Variants in HTR1F observed in about 807,000 individuals in gnomAD.
The protein encoded by HTR1F is 5-hydroxytryptamine receptor 1F.
A neutral mutation model predicts 24.0 loss-of-function variants in HTR1F; 17 were observed. That is an observed-to-expected ratio of 0.71 (90% confidence interval 0.48 to 1.06). The LOEUF (loss-of-function observed/expected upper bound fraction) is 1.06, where lower values mean the gene tolerates loss of function less well. Ranked by LOEUF, HTR1F falls within the 50% of genes least tolerant of loss-of-function variation. The pLI is 0.00. For missense variants in HTR1F, 391 were observed against 427.8 expected (o/e 0.91, Z 0.76); for synonymous variants, 186 against 156.8 (o/e 1.19, Z -1.39).
chr3:87,952,762 T>A (rs778404488), intron 2 of HTR1F, among the ~76,000 whole-genome samples: 1 of 152,026 alleles, frequency 6.6e-6, no homozygotes, highest in South Asian at 2.1e-4. Flanking sequence ...AGCTTTCGGA[T>A]GGTGAAAAGC....
intron 2 of HTR1F, among the ~76,000 whole-genome samples, chr3:87,860,634 T>A (rs1311906367): frequency 2.0e-5 from 3 of 152,196 alleles, no homozygotes; most frequent in Non-Finnish European, 4.4e-5. Context: ...TAGTGAGAGA[T>A]CCATTTTTTT....
intron 2 of HTR1F, among the ~76,000 whole-genome samples, chr3:87,930,025 T>C (rs1704223614): frequency 6.6e-6 from 1 of 152,178 alleles, no homozygotes; most frequent in South Asian, 2.1e-4. Context: ...CCTCCCTGGT[T>C]AGCTGTAATC....
At chr3:87,850,351 C>G (rs1382481244) in intron 2 of HTR1F, among the ~76,000 whole-genome samples, 1 of 151,772 alleles carries the variant, frequency 6.6e-6, no homozygotes, top group Non-Finnish European at 1.5e-5. Flanking sequence ...AGCAAACTAT[C>G]GCAAGGACAA....
Position 87,845,656 on chromosome 3 carries a change from G to A in HTR1F, c.-43+23532G>A, listed in dbSNP as rs1313905176. Reference sequence around the variant, plus strand: ...TCAATATCATGAAAATGGCCATACTGCCCAAGGTAATTTACAGATTCAATG... The same window carrying A: ...TCAATATCATGAAAATGGCCATACTACCCAAGGTAATTTACAGATTCAATG... On this transcript the variant is annotated intron_variant, in intron 2 of 2. Coordinates refer to ENST00000319595, the MANE Select transcript of HTR1F (RefSeq NM_001322209.2). 2.0e-5 allele frequency among the ~76,000 whole-genome samples: 3 copies of A among 151,586 alleles called. No individual in the cohort carries two copies. The East Asian group carries it at 5.8e-4, about 29-fold the overall frequency.
At chr3:87,980,843 G>T (rs1460178469) in intron 2 of HTR1F, among the ~76,000 whole-genome samples, 1 of 152,236 alleles carries the variant, frequency 6.6e-6, no homozygotes, top group Non-Finnish European at 1.5e-5. Context: ...CTTCAACTTT[G>T]CTCCTAAATG....
chr3:87,843,678 C>CG (rs58807598), intron 2 of HTR1F, among the ~76,000 whole-genome samples: 1 of 96,032 alleles, frequency 1.0e-5, no homozygotes, highest in African/African-American at 1.0e-4. Flanking sequence ...ATCCCTCCCC[C>CG]TCCCCCACCC....
intron 2 of HTR1F, among the ~76,000 whole-genome samples, chr3:87,893,956 G>A (rs1317189435): frequency 4.0e-5 from 6 of 151,668 alleles, no homozygotes; most frequent in African/African-American, 1.5e-4. Context: ...CCTAAATTTT[G>A]TGAGTTGTTT....
At chr3:87,977,379 TAATGAAGCTGAGAC>T (rs1559655273) in intron 2 of HTR1F, among the ~76,000 whole-genome samples, 11 of 148,122 alleles carry the variant, frequency 7.4e-5, no homozygotes, top group African/African-American at 2.2e-4. Context: ...CCTCTACAGA[TAATGAAGCTGAGAC>T]TTTTTTTTTT....
intron 2 of HTR1F, among the ~76,000 whole-genome samples, chr3:87,890,617 G>C (rs1312378154): frequency 6.6e-6 from 1 of 150,722 alleles, no homozygotes; most frequent in Non-Finnish European, 1.5e-5. Context: ...CTGTACGGTG[G>C]ATAAACTTGT....
intron 2 of HTR1F, among the ~76,000 whole-genome samples, chr3:87,856,774 C>T (rs1705207777): frequency 6.6e-6 from 1 of 152,046 alleles, no homozygotes; most frequent in South Asian, 2.1e-4. Flanking sequence ...TGCATTCAGA[C>T]AAATCTTGTA....
intron 2 of HTR1F, among the ~76,000 whole-genome samples, chr3:87,917,619 T>C (rs1281009822): frequency 1.3e-5 from 2 of 151,810 alleles, no homozygotes; most frequent in Non-Finnish European, 2.9e-5. Context: ...CAAGAATAGA[T>C]GAATAAATTC....
chr3:87,826,036 A>G (rs1704455307), intron 2 of HTR1F, among the ~76,000 whole-genome samples: 1 of 152,226 alleles, frequency 6.6e-6, no homozygotes, highest in African/African-American at 2.4e-5. Flanking sequence ...GTATTAAAAA[A>G]TATTTGCTGT....
intron 2 of HTR1F, among the ~76,000 whole-genome samples, chr3:87,967,629 G>A (rs1047480083): frequency 6.6e-6 from 1 of 151,850 alleles, no homozygotes; most frequent in Non-Finnish European, 1.5e-5. Flanking sequence ...TCTCATGATA[G>A]TGAAAAAATG....
At chr3:87,971,925 A>G (rs1372144615) in intron 2 of HTR1F, among the ~76,000 whole-genome samples, 1 of 152,224 alleles carries the variant, frequency 6.6e-6, no homozygotes, top group Admixed American at 6.5e-5. Context: ...ATGCAAATAT[A>G]CTTATAGGGG....
chr3:87,939,186 T>A (rs1704500941), intron 2 of HTR1F, among the ~76,000 whole-genome samples: 2 of 152,220 alleles, frequency 1.3e-5, no homozygotes, highest in South Asian at 4.1e-4. Context: ...TATTGGTTTG[T>A]GTATTTTGAA....
intron 2 of HTR1F, among the ~76,000 whole-genome samples, chr3:87,974,379 T>C (rs116580088): frequency 0.014 from 2,202 of 152,316 alleles, 53 homozygotes; most frequent in Non-Finnish European, 0.016. Context: ...TCCATAGTTG[T>C]TTTGACTGGC....
intron 1 of HTR1F, among the ~76,000 whole-genome samples, chr3:87,801,929 T>G (rs572556329): frequency 6.6e-5 from 10 of 152,326 alleles, no homozygotes; most frequent in African/African-American, 2.4e-4. Flanking sequence ...AATACTTTGT[T>G]TTTAAGTCAT....
intron 2 of HTR1F, among the ~76,000 whole-genome samples, chr3:87,931,604 G>C (rs1469720384): frequency 1.3e-5 from 2 of 152,080 alleles, no homozygotes; most frequent in Non-Finnish European, 2.9e-5. Flanking sequence ...TCTAGTTCTA[G>C]ATCCCTGAGG....
chr3:87,905,992 C>A (rs1417319948), intron 2 of HTR1F, among the ~76,000 whole-genome samples: 1 of 151,972 alleles, frequency 6.6e-6, no homozygotes, highest in Non-Finnish European at 1.5e-5. Context: ...TGGCAAGGTT[C>A]AATTTCTTGA....
Sources: allele counts gnomAD v4.1 joint callset (sites outside exome capture counted in the v4.1 genomes callset), GRCh38; gene constraint gnomAD v4.1.1; transcripts MANE v1.5; gene names NCBI Gene and HGNC (gene_info 2026-07-23, HGNC 2026-07-21).